NR3C1: variants seen among roughly 807,000 people sequenced by gnomAD.
NR3C1 encodes the protein glucocorticoid receptor.
Under a neutral mutation model 74.0 loss-of-function variants are expected in NR3C1, and 14 were observed. That is an observed-to-expected ratio of 0.19 (90% CI 0.12 to 0.30). NR3C1 has a LOEUF of 0.30. NR3C1 is among the 10% of genes least tolerant of loss of function. The probability of loss-of-function intolerance (pLI) is 1.00; values close to 1 mark genes in which losing one functional copy is unlikely to be tolerated. For missense variants in NR3C1, 695 were observed against 909.8 expected, an observed-to-expected ratio of 0.76 and a Z score of 3.04; for synonymous variants, 308 against 332.5, an observed-to-expected ratio of 0.93 and a Z score of 0.80.
intron 7 of NR3C1, chr5:143,295,055 C>A: frequency 1.0e-6 from 1 of 985,398 alleles, no homozygotes; most frequent in Non-Finnish European, 1.2e-6. Context: ...GCGCCTTTTT[C>A]TCCCATAATT....
intron 4 of NR3C1, among the ~76,000 whole-genome samples, chr5:143,306,106 A>T (rs1399354218): frequency 1.3e-5 from 2 of 152,154 alleles, no homozygotes; most frequent in Admixed American, 6.5e-5. Context: ...AAGTTTTTTA[A>T]AAAAAAACAT....
chr5:143,340,699 T>C (rs2151742467), intron 2 of NR3C1, among the ~76,000 whole-genome samples: 1 of 152,200 alleles, frequency 6.6e-6, no homozygotes, highest in African/African-American at 2.4e-5. Context: ...GCCAGGCTGG[T>C]CTTGAACTCC....
chr5:143,383,826 G>A (rs148348115), intron 2 of NR3C1, among the ~76,000 whole-genome samples: 133 of 152,256 alleles, frequency 8.7e-4, no homozygotes, highest in Middle Eastern at 3.4e-3. Context: ...ACTGCCAGGG[G>A]GAACTGTGAC....
intron 1 of NR3C1, among the ~76,000 whole-genome samples, chr5:143,412,909 A>G (rs763348229): frequency 1.2e-4 from 19 of 152,210 alleles, no homozygotes; most frequent in Non-Finnish European, 2.4e-4. Flanking sequence ...TCTGATGATT[A>G]GCTATTTTAG....
At chr5:143,289,468 T>A (rs1157309798) in intron 7 of NR3C1, among the ~76,000 whole-genome samples, 1 of 152,170 alleles carries the variant, frequency 6.6e-6, no homozygotes, top group Non-Finnish European at 1.5e-5. Context: ...AGAATTTCTA[T>A]AAGAAAACAA....
rs1368990714 is a variant in NR3C1, at chr5:143,286,124, G to A, written c.2024-3399C>T. Among the ~76,000 whole-genome samples the A allele has an allele frequency of 1.2e-4, 18 of 152,040 alleles. 1 individual carries two copies. The highest frequency in any genetic ancestry group is 1.0e-3 in the Admixed American group (16 of 15,256). ...ATAAATTCAACATTTGAAGGAAACAGTTAAATTCCTTCAAAGATGTAAACC... is the reference window on the plus strand; with the variant it reads ...ATAAATTCAACATTTGAAGGAAACAATTAAATTCCTTCAAAGATGTAAACC... On this transcript the variant is annotated intron_variant, in intron 7 of 8. Coordinates refer to ENST00000394464, the MANE Select transcript of NR3C1 (RefSeq NM_000176.3).
At chr5:143,345,355 G>C (rs991294003) in intron 2 of NR3C1, among the ~76,000 whole-genome samples, 11 of 152,252 alleles carry the variant, frequency 7.2e-5, no homozygotes, top group African/African-American at 2.4e-4. Flanking sequence ...GATTACAGGT[G>C]TGTACCACCA....
rs1371949045 is a variant in NR3C1 at position 143,300,036 on chromosome 5, C to G, written c.1747+449G>C. On this transcript the variant is annotated intron_variant, in intron 5 of 8. Coordinates refer to ENST00000394464, the MANE Select transcript of NR3C1 (RefSeq NM_000176.3). This position sits in a 1 kb window ranked among gnomAD's most constrained non-coding sequence, Gnocchi z 5.2. ...CTTTAAAATTACATTCAATGTGTAG[C>G]ATTTCATTTAGTGAAGGGTTAAAAT... Among the ~76,000 whole-genome samples, 1 of 152,182 alleles carries G rather than the reference C, an allele frequency of 6.6e-6. No individual in the cohort carries two copies. The highest frequency in any genetic ancestry group is 1.5e-5 in the Non-Finnish European group (1 of 68,038).
At position 143,279,359 on chromosome 5, in the gene NR3C1, G is replaced by A. The variant is rs532254605; in HGVS notation, c.*2530C>T. 1.3e-6 allele frequency: 2 copies of A among 1,551,882 alleles called. No homozygotes were observed. The highest frequency in any genetic ancestry group is 1.4e-5 in the African/African-American group (1 of 73,196). On this transcript the variant is annotated 3_prime_UTR_variant, in exon 9 of 9. Transcript: ENST00000394464. ...TTTTGAGCGCCAAGATTGTTGGGAT[G>A]AAAATCAGATTAATGTGTGAGATGT... is the stretch of plus-strand genomic sequence containing the variant.
At chr5:143,367,591 G>A (rs1403417980) in intron 2 of NR3C1, among the ~76,000 whole-genome samples, 1 of 152,132 alleles carries the variant, frequency 6.6e-6, no homozygotes, top group Non-Finnish European at 1.5e-5. Context: ...AAAATCAGTT[G>A]CATTACTAAT....
At chr5:143,333,420 A>AC (rs1826419253) in intron 2 of NR3C1, among the ~76,000 whole-genome samples, 2 of 152,150 alleles carry the variant, frequency 1.3e-5, no homozygotes, top group African/African-American at 4.8e-5. Flanking sequence ...CCTGATTAGG[A>AC]CATGGGGCTA....
chr5:143,303,175 A>T lies in NR3C1; in HGVS notation c.1469-2412T>A, dbSNP rs191507849. On this transcript the variant is annotated intron_variant, in intron 4 of 8. Coordinates refer to ENST00000394464, the MANE Select transcript of NR3C1 (RefSeq NM_000176.3). ...CACCTCTATGCACACAAAGTAGACA[A>T]TCTAGAGGAAATGGATAAATTGGAA... Among the ~76,000 whole-genome samples the T allele has an allele frequency of 1.1e-3, 162 of 143,546 alleles. 1 individual carries two copies. Among genetic ancestry groups the T allele is most frequent in the African/African-American group, 4.1e-3 (160 of 39,138 alleles). The allele number at this position is 143,546 out of a possible 152,430, so 94.2% of individuals were successfully genotyped here. A position where few individuals can be genotyped will look rare whatever the true frequency, so the allele number is the denominator to read the frequency against.
At chr5:143,310,332 A>G in intron 3 of NR3C1, 119 bp from the exon 4 acceptor site, 1 of 752,274 alleles carries the variant, frequency 1.3e-6, no homozygotes, top group Non-Finnish European at 2.3e-6. Context: ...TATTGCCTTG[A>G]GGGAATGTTC....
chr5:143,279,415 T>C lies in NR3C1; in HGVS notation c.*2474A>G. ...CTGGTTTTAACCACATAACATTCTATAAAGGAATGATAATCTACGTTTTAG... is the reference window on the plus strand; with the variant it reads ...CTGGTTTTAACCACATAACATTCTACAAAGGAATGATAATCTACGTTTTAG... On this transcript the variant is annotated 3_prime_UTR_variant, in exon 9 of 9. Transcript: ENST00000394464. The C allele has an allele frequency of 1.3e-6, 2 of 1,530,872 alleles. No homozygotes were observed. Among genetic ancestry groups the C allele is most frequent in the Non-Finnish European group, 1.8e-6 (2 of 1,141,386 alleles). 94.8% of individuals were successfully genotyped at this position (1,530,872 alleles called of 1,614,324 possible). A position where few individuals can be genotyped will look rare whatever the true frequency, so the allele number is the denominator to read the frequency against.
intron 7 of NR3C1, among the ~76,000 whole-genome samples, chr5:143,283,035 GTGTC>G (rs1270493146): frequency 5.3e-5 from 8 of 152,112 alleles, no homozygotes; most frequent in Non-Finnish European, 1.0e-4. Flanking sequence ...ACAAGCCACT[GTGTC>G]TGGCTAAATT....
At chr5:143,292,955 C>T (rs1561486280) in intron 7 of NR3C1, among the ~76,000 whole-genome samples, 1 of 152,162 alleles carries the variant, frequency 6.6e-6, no homozygotes, top group Non-Finnish European at 1.5e-5. Flanking sequence ...TGCCATTTTC[C>T]TGTTGTGATT....
intron 2 of NR3C1, among the ~76,000 whole-genome samples, chr5:143,394,065 G>T (rs894832963): frequency 1.3e-5 from 2 of 151,408 alleles, no homozygotes; most frequent in Non-Finnish European, 3.0e-5. Flanking sequence ...CCTACAGTGA[G>T]AATGAAAAAA....
At chr5:143,391,894 A>G (rs935782619) in intron 2 of NR3C1, among the ~76,000 whole-genome samples, 7 of 152,214 alleles carry the variant, frequency 4.6e-5, no homozygotes, top group African/African-American at 1.7e-4. Context: ...TGCTGGTTTA[A>G]GCTAAGTGGA....
intron 2 of NR3C1, among the ~76,000 whole-genome samples, chr5:143,394,585 A>G (rs1036149945): frequency 1.3e-5 from 2 of 152,036 alleles, no homozygotes; most frequent in African/African-American, 4.8e-5. Context: ...AGCAGCTTAA[A>G]TAAAAATGAG....
Sources: gnomAD v4.1 joint callset for allele counts (sites outside exome capture counted in the v4.1 genomes callset) on GRCh38, gnomAD v4.1.1 for gene constraint, Gnocchi (gnomAD v3.1) non-coding constraint, MANE v1.5 for transcripts, NCBI Gene and HGNC (gene_info 2026-07-23, HGNC 2026-07-21) for gene names.